The following ECM2 variants were observed in gnomAD, a reference collection of about 807,000 sequenced individuals.
ECM2 encodes extracellular matrix protein 2, female organ and adipocyte specific.
Under a neutral mutation model 67.5 loss-of-function variants are expected in ECM2, and 57 were observed. The observed-to-expected ratio is 0.84, with a 90% CI of 0.68 to 1.05. ECM2 has a LOEUF of 1.05. Among genes scored for constraint, ECM2 ranks in the 50% least tolerant of loss-of-function variants. ECM2 has a pLI of 0.00. For synonymous variants in ECM2, 258 were observed against 294.5 expected (o/e 0.88, Z 1.27); for missense variants, 741 against 822.8 (o/e 0.90, Z 1.22).
chr9:92,542,761 C>T, the ECM2 span, among the ~76,000 whole-genome samples: 1 of 152,222 alleles, frequency 6.6e-6, no homozygotes, highest in South Asian at 2.1e-4. Context: ...ATCCACCGGC[C>T]TCGGCCTCCC....
chr9:92,530,644 C>T (rs1002236354), intron 1 of ECM2, among the ~76,000 whole-genome samples: 3 of 151,976 alleles, frequency 2.0e-5, no homozygotes, highest in Admixed American at 6.6e-5. Context: ...TCAGTGTCTC[C>T]GGGAGTGCTT....
chr9:92,523,235 A>G (rs1459597753), intron 1 of ECM2, among the ~76,000 whole-genome samples: 1 of 152,170 alleles, frequency 6.6e-6, no homozygotes, highest in African/African-American at 2.4e-5. Context: ...ATGAGTCACC[A>G]TGCCTGTTCA....
the ECM2 span, among the ~76,000 whole-genome samples, chr9:92,546,381 T>G: frequency 6.6e-6 from 1 of 152,174 alleles, no homozygotes; most frequent in Non-Finnish European, 1.5e-5. Flanking sequence ...TTGCAATAAA[T>G]CTTGCTGCTG....
chr9:92,551,925 G>GTATATATATATATA, the ECM2 span, among the ~76,000 whole-genome samples: 25 of 84,510 alleles, frequency 3.0e-4, no homozygotes, highest in Non-Finnish European at 3.9e-4. Context: ...TGGTGTGTGT[G>GTATATATATATATA]TATATATATA....
chr9:92,549,117 G>C, the ECM2 span, among the ~76,000 whole-genome samples: 1 of 152,110 alleles, frequency 6.6e-6, no homozygotes, highest in African/African-American at 2.4e-5. Context: ...TCACGTGGAC[G>C]GTTTCAAGGA....
At chr9:92,554,888 G>A in the ECM2 span, among the ~76,000 whole-genome samples, 3 of 150,764 alleles carry the variant, frequency 2.0e-5, no homozygotes, top group East Asian at 4.0e-4. Context: ...CATCCGCCTC[G>A]GCCTCCCAAA....
At chr9:92,547,155 C>CA in the ECM2 span, among the ~76,000 whole-genome samples, 6 of 151,794 alleles carry the variant, frequency 4.0e-5, no homozygotes, top group South Asian at 4.1e-4. Flanking sequence ...TTAATAGATG[C>CA]AAAAAAAATT....
intron 2 of ECM2, among the ~76,000 whole-genome samples, chr9:92,521,435 G>T (rs1033019459): frequency 2.0e-4 from 30 of 151,926 alleles, no homozygotes; most frequent in African/African-American, 7.0e-4. Flanking sequence ...TGTAAGTGTG[G>T]CCTAAATTGC....
At chr9:92,539,343 G>A (rs1441887059), upstream of ECM2, among the ~76,000 whole-genome samples, 3 of 73,868 alleles carry the variant, frequency 4.1e-5, no homozygotes, top group Non-Finnish European at 8.7e-5. Context: ...GCCTTCCCCC[G>A]CTCCCCCACC....
rs762833336 is a variant in ECM2 at position 92,512,070 on chromosome 9, T to C, written c.1111A>G (p.Arg371Gly). 84 of 1,613,796 alleles carry C rather than the reference T, an allele frequency of 5.2e-5. No individual in the cohort carries two copies. Among genetic ancestry groups the C allele is most frequent in the Non-Finnish European group, 6.9e-5 (82 of 1,179,856 alleles). Residue 371 changes from arginine to glycine, a missense_variant, in exon 5 of 10, where the codon AGG (arginine) becomes GGG (glycine). Physicochemically the swap from Arg to Gly is moderately radical, Grantham distance 125 (BLOSUM62 -2). Coordinates refer to ENST00000344604, the MANE Select transcript of ECM2 (RefSeq NM_001393.4). ...ATATTATTTTTACTCAGATCAAGCC[T>C]TTCCAAATTTGGTAATCCATTAAAT... is the stretch of plus-strand genomic sequence containing the variant. ...EAFNGLPNLE[R>G]LDLSKNNITS...
At chr9:92,546,685 G>A in the ECM2 span, among the ~76,000 whole-genome samples, 5 of 152,064 alleles carry the variant, frequency 3.3e-5, no homozygotes, top group African/African-American at 7.2e-5. Context: ...GAGGGTCCGC[G>A]GCTTCATTCT....
intron 1 of ECM2, among the ~76,000 whole-genome samples, chr9:92,533,315 A>C (rs1848935294): frequency 3.0e-5 from 3 of 101,368 alleles, no homozygotes; most frequent in South Asian, 3.6e-4. Flanking sequence ...AAAAAAAAAA[A>C]AAAAAAAAAA....
chr9:92,536,866 T>TA (rs1398501778), upstream of ECM2, among the ~76,000 whole-genome samples: 1 of 139,614 alleles, frequency 7.2e-6, no homozygotes, highest in African/African-American at 3.1e-5. Context: ...AACTATTTTT[T>TA]AAATTTTTTT....
chr9:92,524,139 A>G (rs1025241913), intron 1 of ECM2, among the ~76,000 whole-genome samples: 4 of 151,934 alleles, frequency 2.6e-5, no homozygotes, highest in Non-Finnish European at 4.4e-5. Flanking sequence ...TCCACAACCC[A>G]TTTTCCCAGC....
intron 3 of ECM2, 110 bp from the exon 4 acceptor site, chr9:92,515,313 G>T: frequency 7.8e-7 from 1 of 1,285,276 alleles, no homozygotes; most frequent in Non-Finnish European, 9.9e-7. Flanking sequence ...AAGTATTTGA[G>T]TGCAATTTAA....
rs1012998452 is a variant in ECM2, at chr9:92,514,696, A to G, written c.989T>C (p.Ile330Thr). ...TGGTATCTGGGTAAGCATGGCGTTGATGCAGCTGATGGTCCTGTAGGACAG... is the reference window on the plus strand; with the variant it reads ...TGGTATCTGGGTAAGCATGGCGTTGGTGCAGCTGATGGTCCTGTAGGACAG... ...CSLSYRTISC[I>T]NAMLTQIPPL... Residue 330 changes from isoleucine to threonine, a missense_variant, in exon 4 of 10, where the codon ATC (isoleucine) becomes ACC (threonine). Ile to Thr is a moderately conservative substitution (Grantham distance 89). Transcript: ENST00000344604. 1 of 1,612,618 alleles carries G rather than the reference A, an allele frequency of 6.2e-7. No homozygotes were observed. The highest frequency in any genetic ancestry group is 8.5e-7 in the Non-Finnish European group (1 of 1,178,976).
At chr9:92,510,090 A>G (rs1471766652) in intron 5 of ECM2, 56 bp from the exon 6 acceptor site, 3 of 1,535,878 alleles carry the variant, frequency 2.0e-6, no homozygotes, top group Non-Finnish European at 2.6e-6. Context: ...GTGCAGTCAC[A>G]TTTCATATAA....
In ECM2 at chr9:92,522,813, G is replaced by T; in HGVS notation, c.54C>A (p.Asp18Glu). ...CFFLLIIFQTDFGKNEEIPRK... is the reference protein window; with the variant it reads ...CFFLLIIFQTEFGKNEEIPRK... ...TAGGAATTTCTTCATTTTTTCCAAAGTCAGTTTGAAAAATGATAAGCAGAA... is the reference window on the plus strand; with the variant it reads ...TAGGAATTTCTTCATTTTTTCCAAATTCAGTTTGAAAAATGATAAGCAGAA... Residue 18 changes from aspartate (D) to glutamate (E), a missense_variant, in exon 2 of 10, where the codon GAC becomes GAA. Coordinates refer to ENST00000344604, the MANE Select transcript of ECM2 (RefSeq NM_001393.4). 1.9e-6 allele frequency: 3 copies of T among 1,611,894 alleles called. No homozygotes were observed. The highest frequency in any genetic ancestry group is 2.5e-6 in the Non-Finnish European group (3 of 1,179,594).
the ECM2 span, among the ~76,000 whole-genome samples, chr9:92,552,376 G>A: frequency 2.0e-5 from 3 of 152,084 alleles, no homozygotes; most frequent in African/African-American, 7.2e-5. Flanking sequence ...GGGACTGCTG[G>A]ATCAACTGGT....
Sources: allele counts gnomAD v4.1 joint callset (sites outside exome capture counted in the v4.1 genomes callset), GRCh38; gene constraint gnomAD v4.1.1; transcripts MANE v1.5; gene names NCBI Gene and HGNC (gene_info 2026-07-23, HGNC 2026-07-21).